MYOM3: variants seen among roughly 807,000 people sequenced by gnomAD.
MYOM3 encodes the protein myomesin 3, also known as myomesin-3.
A neutral mutation model predicts 191.7 loss-of-function variants in MYOM3; 155 were observed. The observed-to-expected ratio is 0.81, with a 90% CI of 0.71 to 0.92. MYOM3 has a LOEUF of 0.92. MYOM3 is among the 40% of genes least tolerant of loss of function. The probability of loss-of-function intolerance (pLI) is 0.00; values close to 1 mark genes in which losing one functional copy is unlikely to be tolerated. For missense variants in MYOM3, 1,889 were observed against 1,890.6 expected (o/e 1.00, Z 0.02); for synonymous variants, 757 against 762.9 (o/e 0.99, Z 0.13).
intron 2 of MYOM3, 93 bp from the exon 3 acceptor site, chr1:24,108,166 G>A: frequency 8.3e-7 from 1 of 1,204,230 alleles, no homozygotes. Context: ...CAGCCTCAGG[G>A]CACCAGCAGG....
At position 24,108,051 on chromosome 1, in the gene MYOM3, C is replaced by T. The variant is rs375167212; in HGVS notation, c.184G>A (p.Ala62Thr). The T allele has an allele frequency of 1.2e-4, 198 of 1,613,784 alleles. No individual in the cohort carries two copies. Among genetic ancestry groups the T allele is most frequent in the Middle Eastern group, 6.6e-4 (4 of 6,058 alleles). The change falls in exon 3 of 37, where the codon GCC becomes ACC. Residue 62 changes from alanine to threonine, a missense_variant. Coordinates refer to ENST00000374434, the MANE Select transcript of MYOM3 (RefSeq NM_152372.4). ...RSSEEEHEFS[A>T]ADYALAAALA... ...GCTGCTGCCAGGGCGTAGTCCGCGG[C>T]GCTGAACTCATGCTCTTCTTCGCTG...
chr1:24,061,184 G>A, intron 34 of MYOM3, 89 bp downstream of exon 34: 1 of 1,601,386 alleles, frequency 6.2e-7, no homozygotes, highest in African/African-American at 1.3e-5. Flanking sequence ...GGAGCTGGCT[G>A]GGGCTCCCAG....
chr1:24,082,289 G>A, intron 17 of MYOM3, 101 bp from the exon 18 acceptor site: 1 of 1,119,658 alleles, frequency 8.9e-7, no homozygotes. Context: ...GTTGGTGCCT[G>A]CCCTACTCCA....
At position 24,063,280 on chromosome 1, in the gene MYOM3, G is replaced by A; in HGVS notation, c.3662-46C>T. ...GATGAATCTTCCCTGAGGCCATTTA[G>A]GCATCAGATTTTGGGGCCGGCTTGT... On this transcript the variant is annotated intron_variant, in intron 31 of 36. Coordinates refer to ENST00000374434, the MANE Select transcript of MYOM3 (RefSeq NM_152372.4). The surrounding 1 kb of genome is among the most constrained non-coding windows in gnomAD (Gnocchi z 4.5). The A allele has an allele frequency of 1.3e-6, 2 of 1,549,530 alleles. No individual in the cohort carries two copies. The highest frequency in any genetic ancestry group is 1.8e-6 in the Non-Finnish European group (2 of 1,122,446).
At position 24,089,917 on chromosome 1, in the gene MYOM3, C is replaced by T. The variant is rs1643794485; in HGVS notation, c.1486+148G>A. The T allele has an allele frequency of 5.9e-6, 5 of 850,560 alleles. No homozygotes were observed. In the African/African-American group the frequency reaches 6.7e-5, roughly 11 times the overall value. The allele number at this position is 850,560 out of a possible 1,614,324, so 52.7% of individuals were successfully genotyped here. A position where few individuals can be genotyped will look rare whatever the true frequency, so the allele number is the denominator to read the frequency against. ...CCACAGCCAGATGGGCCACAGTGAC[C>T]CCAGCACTCTGACTGCCTCCAACTA... is the stretch of plus-strand genomic sequence containing the variant. On this transcript the variant is annotated intron_variant, in intron 13 of 36. Transcript: ENST00000374434.
chr1:24,102,162 A>G (rs902165749), intron 5 of MYOM3, among the ~76,000 whole-genome samples: 1 of 152,162 alleles, frequency 6.6e-6, no homozygotes, highest in Admixed American at 6.5e-5. Context: ...GGCCTCACCC[A>G]TGCCATGTTT....
chr1:24,062,204 A>C lies in MYOM3; in HGVS notation c.3771-95T>G, dbSNP rs182481749. The stretch of plus-strand genomic sequence containing the variant: ...TCCTCTCCTCTGGTTTTGTTTTGAG[A>C]TCACGGGCTATGGGTGGTGACTATG... On this transcript the variant is annotated intron_variant, in intron 32 of 36. Transcript: ENST00000374434. The C allele has an allele frequency of 3.9e-5, 54 of 1,370,844 alleles. No individual in the cohort carries two copies. The Middle Eastern group carries it at 1.6e-3, about 39-fold the overall frequency. The allele number at this position is 1,370,844 out of a possible 1,614,324, so 84.9% of individuals were successfully genotyped here.
intron 1 of MYOM3, among the ~76,000 whole-genome samples, chr1:24,110,606 C>G (rs1445179445): frequency 1.9e-4 from 29 of 152,036 alleles, no homozygotes; most frequent in Non-Finnish European, 2.9e-5. Flanking sequence ...TGGGTGTCTG[C>G]AGTTGTGGGC....
At chr1:24,095,213 GC>G (rs951361153) in intron 8 of MYOM3, among the ~76,000 whole-genome samples, 4 of 152,170 alleles carry the variant, frequency 2.6e-5, no homozygotes, top group Admixed American at 2.6e-4. Context: ...TTCTGGCTTT[GC>G]CTTTCAAACC....
intron 9 of MYOM3, among the ~76,000 whole-genome samples, chr1:24,093,972 T>C (rs1643865300): frequency 6.6e-6 from 1 of 152,140 alleles, no homozygotes; most frequent in Non-Finnish European, 1.5e-5. Flanking sequence ...GCCTTGGCTC[T>C]GACCAGGCTT....
chr1:24,091,109 C>T, intron 11 of MYOM3, 113 bp from the exon 12 acceptor site: 1 of 1,223,592 alleles, frequency 8.2e-7, no homozygotes. Context: ...CTCATCTCTG[C>T]CAATTAAAGT....
chr1:24,092,250 T>G lies in MYOM3; in HGVS notation c.1156A>C (p.Arg386=). The change falls in exon 11 of 37, where the codon AGA becomes CGA. Residue 386 remains arginine, a synonymous_variant. Coordinates refer to ENST00000374434, the MANE Select transcript of MYOM3 (RefSeq NM_152372.4). ...GCCCAAGTCAGGATGAGGCAGTCTC[T>G]GTTCACATCCAGGCATCGGACGTTC... ...PLNVRCLDVN[R]DCLILTWAPP... The G allele has an allele frequency of 7.1e-7, 1 of 1,414,706 alleles. No individual in the cohort carries two copies. The highest frequency in any genetic ancestry group is 9.3e-7 in the Non-Finnish European group (1 of 1,075,052). 87.6% of individuals were successfully genotyped at this position (1,414,706 alleles called of 1,614,324 possible). A position where few individuals can be genotyped will look rare whatever the true frequency, so the allele number is the denominator to read the frequency against.
intron 7 of MYOM3, among the ~76,000 whole-genome samples, chr1:24,095,837 G>A (rs1643875997): frequency 6.6e-6 from 1 of 152,150 alleles, no homozygotes; most frequent in Admixed American, 6.5e-5. Flanking sequence ...AGAGGCGCGG[G>A]GATTTCTGGT....
In MYOM3 at chr1:24,100,843, C is replaced by T. The variant is rs1004638845; in HGVS notation, c.561-1068G>A. Among the ~76,000 whole-genome samples, 112 of 150,732 alleles carry T rather than the reference C, an allele frequency of 7.4e-4. 8 individuals are homozygous for T. The highest frequency in any genetic ancestry group is 4.4e-5 in the Non-Finnish European group (3 of 67,816). On this transcript the variant is annotated intron_variant, in intron 5 of 36. Coordinates refer to ENST00000374434, the MANE Select transcript of MYOM3 (RefSeq NM_152372.4). ...CGGAGCTTGCAATGAGCAGAGATCGCGCCACTGCACTCCAGCCTGGGCAAC... is the reference window on the plus strand; with the variant it reads ...CGGAGCTTGCAATGAGCAGAGATCGTGCCACTGCACTCCAGCCTGGGCAAC...
rs1643439267 is a variant in MYOM3, at chr1:24,066,719, TCAACATATAAACCCTCG to T, written c.3423+285_3423+301del. 6.9e-6 allele frequency: 3 copies of T among 432,600 alleles called. No homozygotes were observed. In the South Asian group the frequency reaches 1.5e-4, roughly 21 times the overall value. 26.8% of individuals were successfully genotyped at this position (432,600 alleles called of 1,614,324 possible). Reference sequence around the variant, plus strand: ...GTAATCATAAACACAGGGATACCCCTCAACATATAAACCCTCGTGGGCTCCTAGACCCCCTGACCCCT... The same window carrying T: ...GTAATCATAAACACAGGGATACCCCTTGGGCTCCTAGACCCCCTGACCCCT... On this transcript the variant is annotated intron_variant, in intron 28 of 36. Transcript: ENST00000374434.
chr1:24,097,166 G>A (rs1374025721), intron 7 of MYOM3, among the ~76,000 whole-genome samples: 1 of 152,204 alleles, frequency 6.6e-6, no homozygotes, highest in East Asian at 1.9e-4. Flanking sequence ...TGGGGCAGTG[G>A]GGGTCAGGTG....
rs761655665 is a variant in MYOM3, at chr1:24,082,052, C to A, written c.2229G>T (p.Glu743Asp). The A allele has an allele frequency of 6.2e-7, 1 of 1,612,420 alleles. No individual in the cohort carries two copies. Among genetic ancestry groups the A allele is most frequent in the African/African-American group, 1.3e-5 (1 of 74,922 alleles). The change falls in exon 18 of 37, where the codon GAG becomes GAT. Residue 743 changes from glutamate to aspartate, a missense_variant. Coordinates refer to ENST00000374434, the MANE Select transcript of MYOM3 (RefSeq NM_152372.4). ...GCTGATTGACCGCATGCCAGTCCAG[C>A]TCTTCCGAGTCATGCTGGTCCAGGA... ...GYFLDQHDSEELDWHAVNQQP... is the reference protein window; with the variant it reads ...GYFLDQHDSEDLDWHAVNQQP...
At position 24,099,827 on chromosome 1, in the gene MYOM3, G is replaced by A. The variant is rs372861055; in HGVS notation, c.561-52C>T. ...GGCAGGGTGGTTCTAAGCGGGAGGGGTCTGGAGCCTCTCGGATGGGGATTC... is the reference window on the plus strand; with the variant it reads ...GGCAGGGTGGTTCTAAGCGGGAGGGATCTGGAGCCTCTCGGATGGGGATTC... On this transcript the variant is annotated intron_variant, in intron 5 of 36. Transcript: ENST00000374434. 131 of 1,332,298 alleles carry A rather than the reference G, an allele frequency of 9.8e-5. No homozygotes were observed. The African/African-American group carries it at 1.6e-3, about 16-fold the overall frequency. The allele number at this position is 1,332,298 out of a possible 1,614,324, so 82.5% of individuals were successfully genotyped here. A position where few individuals can be genotyped will look rare whatever the true frequency, so the allele number is the denominator to read the frequency against.
At chr1:24,094,250 C>A (rs375404325) in intron 9 of MYOM3, among the ~76,000 whole-genome samples, 2 of 150,242 alleles carry the variant, frequency 1.3e-5, no homozygotes, top group Non-Finnish European at 2.9e-5. Flanking sequence ...CGGCTCACTG[C>A]GACCTCTGCC....
Sources: gnomAD v4.1 joint callset for allele counts (sites outside exome capture counted in the v4.1 genomes callset) on GRCh38, gnomAD v4.1.1 for gene constraint, Gnocchi (gnomAD v3.1) non-coding constraint, MANE v1.5 for transcripts, NCBI Gene and HGNC (gene_info 2026-07-23, HGNC 2026-07-21) for gene names.